RASGRP3: variants seen among roughly 807,000 people sequenced by gnomAD.
The protein encoded by RASGRP3 is RAS guanyl releasing protein 3.
Under a neutral mutation model 82.7 loss-of-function variants are expected in RASGRP3, and 54 were observed. That is an observed-to-expected ratio of 0.65 (90% CI 0.52 to 0.82). The LOEUF is 0.82. Ranked by LOEUF, RASGRP3 falls within the 40% of genes least tolerant of loss-of-function variation. The probability of loss-of-function intolerance (pLI) is 0.00; values close to 1 mark genes in which losing one functional copy is unlikely to be tolerated. For synonymous variants in RASGRP3, 309 were observed against 300.5 expected (o/e 1.03, Z -0.29); for missense variants, 861 against 828.9 (o/e 1.04, Z -0.48).
upstream of RASGRP3, among the ~76,000 whole-genome samples, chr2:33,474,327 G>A (rs1429869502): frequency 1.3e-5 from 2 of 152,120 alleles, no homozygotes; most frequent in Non-Finnish European, 2.9e-5. Flanking sequence ...GATAGTGAGT[G>A]AGTTCTTTTA....
chr2:33,509,586 A>G (rs1159664401), intron 1 of RASGRP3, among the ~76,000 whole-genome samples: 4 of 152,222 alleles, frequency 2.6e-5, no homozygotes, highest in Admixed American at 1.3e-4. Flanking sequence ...TCGATTTCTC[A>G]TAATTGAAAA....
In RASGRP3 at chr2:33,480,188, G is replaced by A. The variant is rs562076557; in HGVS notation, c.-261+3481G>A. On this transcript the variant is annotated intron_variant, in intron 1 of 17. Transcript: ENST00000403687. Reference sequence around the variant, plus strand: ...CTCCTGAGTAGCTGGGACTACAGGCGCCCGCCACCATGCCCGGCTAATTTT... The same window carrying A: ...CTCCTGAGTAGCTGGGACTACAGGCACCCGCCACCATGCCCGGCTAATTTT... Among the ~76,000 whole-genome samples the A allele has an allele frequency of 5.7e-3, 862 of 151,752 alleles. 6 individuals are homozygous for A. The highest frequency in any genetic ancestry group is 0.02 in the African/African-American group (815 of 41,372).
chr2:33,525,699 CAAAAAAAAAAAAA>C (rs1167570668), intron 9 of RASGRP3, among the ~76,000 whole-genome samples: 13 of 54,396 alleles, frequency 2.4e-4, no homozygotes, highest in South Asian at 1.1e-3. Context: ...CCTGTCTCTA[CAAAAAAAAAAAAA>C]AAAAAAAAAA....
At chr2:33,483,449 A>C (rs562908779) in intron 1 of RASGRP3, among the ~76,000 whole-genome samples, 1 of 151,958 alleles carries the variant, frequency 6.6e-6, no homozygotes, top group South Asian at 2.1e-4. Context: ...AAAAAAATTA[A>C]ATTCATATCT....
intron 2 of RASGRP3, among the ~76,000 whole-genome samples, chr2:33,460,626 T>C (rs1666306593): frequency 6.6e-6 from 1 of 151,814 alleles, no homozygotes; most frequent in Non-Finnish European, 1.5e-5. Flanking sequence ...GCAATTCTCC[T>C]ACCTCAGCCT....
chr2:33,562,513 C>G (rs1676787454), intron 17 of RASGRP3, among the ~76,000 whole-genome samples: 1 of 152,046 alleles, frequency 6.6e-6, no homozygotes, highest in Non-Finnish European at 1.5e-5. Flanking sequence ...TCAAGTGATC[C>G]TCCCACCTCA....
chr2:33,515,136 C>T lies in RASGRP3; in HGVS notation c.-1C>T, dbSNP rs756957301. On this transcript the variant is annotated 5_prime_UTR_variant, in exon 3 of 18. Coordinates refer to ENST00000403687, the MANE Select transcript of RASGRP3 (RefSeq NM_001139488.2). ...AGTTTTTTGACAACGGCTAAATAAC[C>T]ATGGGATCAAGTGGCCTTGGGAAAG... is the stretch of plus-strand genomic sequence containing the variant. 2 of 1,613,778 alleles carry T rather than the reference C, an allele frequency of 1.2e-6. No homozygotes were observed. Among genetic ancestry groups the T allele is most frequent in the Non-Finnish European group, 8.5e-7 (1 of 1,179,750 alleles).
chr2:33,495,396 C>T (rs1049697572), intron 1 of RASGRP3, among the ~76,000 whole-genome samples: 4 of 152,086 alleles, frequency 2.6e-5, no homozygotes, highest in Non-Finnish European at 5.9e-5. Context: ...GTTTGTGGTC[C>T]TGTGAGAATC....
chr2:33,546,567 A>G (rs1399012085), intron 13 of RASGRP3, among the ~76,000 whole-genome samples: 1 of 152,210 alleles, frequency 6.6e-6, no homozygotes, highest in Non-Finnish European at 1.5e-5. Context: ...CTAAAAACAG[A>G]ACTACACTTC....
intron 10 of RASGRP3, chr2:33,530,790 G>C (rs1231584535): frequency 6.6e-6 from 1 of 152,134 alleles, no homozygotes; most frequent in African/African-American, 2.4e-5. Context: ...CCTTGAATAC[G>C]GCACCAGGCC....
At position 33,558,941 on chromosome 2, in the gene RASGRP3, A is replaced by G; in HGVS notation, c.1975A>G (p.Arg659Gly). 3 of 1,614,040 alleles carry G rather than the reference A, an allele frequency of 1.9e-6. No individual in the cohort carries two copies. Among genetic ancestry groups the G allele is most frequent in the Non-Finnish European group, 2.5e-6 (3 of 1,179,888 alleles). Residue 659 changes from arginine (R) to glycine (G), a missense_variant, in exon 17 of 18, where the codon AGG becomes GGG. Physicochemically the swap from Arg to Gly is moderately radical, Grantham distance 125. Transcript: ENST00000403687. The part of the protein sequence containing the change: ...GFAKWENEKP[R>G]VHAGVDVVDR... ...TGCCAAATGGGAAAATGAGAAGCCC[A>G]GGGTGCATGCTGGTGTGGATGTTGT...
At chr2:33,496,499 A>G (rs1347947440) in intron 1 of RASGRP3, among the ~76,000 whole-genome samples, 2 of 152,242 alleles carry the variant, frequency 1.3e-5, no homozygotes, top group Non-Finnish European at 2.9e-5. Flanking sequence ...GGCCTATGTT[A>G]CAACAAAGAT....
chr2:33,479,926 A>G (rs1667738878), intron 1 of RASGRP3, among the ~76,000 whole-genome samples: 1 of 152,236 alleles, frequency 6.6e-6, no homozygotes, highest in South Asian at 2.1e-4. Context: ...CAGGAGGAAA[A>G]TCAAGCAAGT....
chr2:33,532,512 C>T (rs1161064841), intron 10 of RASGRP3: 3 of 152,296 alleles, frequency 2.0e-5, no homozygotes, highest in Non-Finnish European at 4.4e-5. Flanking sequence ...GTACCTTTTA[C>T]GCATCCTACT....
At chr2:33,452,289 C>T (rs1470961039) in intron 2 of RASGRP3, among the ~76,000 whole-genome samples, 1 of 152,142 alleles carries the variant, frequency 6.6e-6, no homozygotes, top group Non-Finnish European at 1.5e-5. Context: ...TTATTATTCA[C>T]TATCTTTGTG....
chr2:33,495,932 C>T (rs941663533), intron 1 of RASGRP3, among the ~76,000 whole-genome samples: 1 of 152,156 alleles, frequency 6.6e-6, no homozygotes, highest in Admixed American at 6.5e-5. Context: ...CCAAATGTTG[C>T]CTCATGGGGA....
intron 1 of RASGRP3, among the ~76,000 whole-genome samples, chr2:33,485,905 A>T (rs577751205): frequency 6.6e-6 from 1 of 152,230 alleles, no homozygotes; most frequent in South Asian, 2.1e-4. Context: ...TGTGTCATGC[A>T]TAAAATTCTG....
At chr2:33,558,102 C>A in intron 15 of RASGRP3, 109 bp from the exon 16 acceptor site, 1 of 1,413,754 alleles carries the variant, frequency 7.1e-7, no homozygotes, top group Non-Finnish European at 9.6e-7. Flanking sequence ...TGAAATTCAA[C>A]ACAGAAACTG....
At chr2:33,511,679 A>G (rs1167231268) in intron 1 of RASGRP3, 31 bp from the exon 2 acceptor site, 1 of 152,636 alleles carries the variant, frequency 6.6e-6, no homozygotes, top group African/African-American at 2.4e-5. Flanking sequence ...ATCTAATTCT[A>G]TATGGGGGTT....
Sources: gnomAD v4.1 joint callset for allele counts (sites outside exome capture counted in the v4.1 genomes callset) on GRCh38, gnomAD v4.1.1 for gene constraint, MANE v1.5 for transcripts, NCBI Gene and HGNC (gene_info 2026-07-23, HGNC 2026-07-21) for gene names.